Variants in EPHA4 observed in about 807,000 individuals in gnomAD.
EPHA4 encodes ephrin type-A receptor 4.
In EPHA4, 19 loss-of-function variants were observed where a neutral mutation model predicts 108.3. That is an observed-to-expected ratio of 0.18 (90% CI 0.12 to 0.26). EPHA4 has a LOEUF of 0.26. Among genes scored for constraint, EPHA4 ranks in the 10% least tolerant of loss-of-function variants. EPHA4 has a pLI of 1.00. For synonymous variants in EPHA4, 449 were observed against 455.5 expected, an observed-to-expected ratio of 0.99 and a Z score of 0.18; for missense variants, 917 against 1,254.0, an observed-to-expected ratio of 0.73 and a Z score of 4.06.
At chr2:221,551,697 A>G (rs1198349452) in intron 3 of EPHA4, among the ~76,000 whole-genome samples, 1 of 152,184 alleles carries the variant, frequency 6.6e-6, no homozygotes, top group East Asian at 1.9e-4. Context: ...TTAGTTAAGT[A>G]CACTAGCCAT....
At chr2:221,567,670 G>A (rs1029045295) in intron 2 of EPHA4, among the ~76,000 whole-genome samples, 2 of 152,128 alleles carry the variant, frequency 1.3e-5, no homozygotes, top group African/African-American at 4.8e-5. Flanking sequence ...TTATTTTCTT[G>A]CTTAGTCTTA....
chr2:221,474,378 T>C (rs1176916717), intron 5 of EPHA4, among the ~76,000 whole-genome samples: 1 of 149,118 alleles, frequency 6.7e-6, no homozygotes, highest in Non-Finnish European at 1.5e-5. Context: ...ATTCTGGAAA[T>C]GAAATTCTTC....
intron 8 of EPHA4, among the ~76,000 whole-genome samples, chr2:221,454,211 T>C (rs750977267): frequency 6.6e-6 from 1 of 151,656 alleles, no homozygotes; most frequent in Non-Finnish European, 1.5e-5. Context: ...AATAAATACA[T>C]GTACCAACTG....
In EPHA4 at chr2:221,426,464, T is replaced by C; in HGVS notation, c.2846A>G (p.Glu949Gly). The C allele has an allele frequency of 1.2e-6, 2 of 1,600,674 alleles. No homozygotes were observed. Among genetic ancestry groups the C allele is most frequent in the Non-Finnish European group, 1.7e-6 (2 of 1,176,692 alleles). The change falls in exon 16 of 18, where the codon GAG becomes GGG. Residue 949 changes from glutamate (E) to glycine (G), a missense_variant and splice_region_variant. By Grantham distance (98) the Glu-to-Gly change is moderately conservative. Around this residue, in one of 3 missense-constraint regions of EPHA4, gnomAD observed 133 missense variants for 132.8 expected, o/e 1.00. Transcript: ENST00000281821. ...TCGTGTTACATCGTTGAGTACTTACTCCTGGTTCACGTGCACCACAGCCTC... is the reference window on the plus strand; with the variant it reads ...TCGTGTTACATCGTTGAGTACTTACCCCTGGTTCACGTGCACCACAGCCTC... The part of the protein sequence containing the change: ...TLEAVVHVNQ[E>G]DLARIGITAI...
At chr2:221,479,133 C>T (rs1691745893) in intron 5 of EPHA4, among the ~76,000 whole-genome samples, 1 of 152,196 alleles carries the variant, frequency 6.6e-6, no homozygotes, top group Non-Finnish European at 1.5e-5. Flanking sequence ...ATAATCTGGT[C>T]TCATAAATGG....
chr2:221,513,719 T>C (rs1302346917), intron 3 of EPHA4, among the ~76,000 whole-genome samples: 2 of 152,240 alleles, frequency 1.3e-5, no homozygotes, highest in Admixed American at 1.3e-4. Context: ...GTGTTTTATA[T>C]TTAACAGATA....
intron 3 of EPHA4, among the ~76,000 whole-genome samples, chr2:221,506,388 AG>A (rs1692630407): frequency 6.6e-6 from 1 of 152,252 alleles, no homozygotes; most frequent in Admixed American, 6.5e-5. Flanking sequence ...AATATGTGCA[AG>A]CCCCAGCCAT....
chr2:221,505,249 G>A (rs941350260), intron 3 of EPHA4, among the ~76,000 whole-genome samples: 52 of 152,052 alleles, frequency 3.4e-4, no homozygotes, highest in African/African-American at 1.3e-3. Context: ...TTTGTATATG[G>A]ATTACATGTT....
intron 4 of EPHA4, among the ~76,000 whole-genome samples, chr2:221,495,989 A>T (rs577255331): frequency 6.6e-6 from 1 of 152,332 alleles, no homozygotes; most frequent in South Asian, 2.1e-4. Flanking sequence ...GGCTGTCAGC[A>T]CAAGGGAATT....
chr2:221,431,048 C>CT (rs1306089493), intron 14 of EPHA4, among the ~76,000 whole-genome samples: 1 of 152,190 alleles, frequency 6.6e-6, no homozygotes, highest in Non-Finnish European at 1.5e-5. Context: ...AGCCTTTTCT[C>CT]TAACATCCTC....
intron 5 of EPHA4, among the ~76,000 whole-genome samples, chr2:221,475,650 T>C (rs371826381): frequency 1.3e-5 from 2 of 152,208 alleles, no homozygotes; most frequent in East Asian, 3.8e-4. Flanking sequence ...AACTATGCCA[T>C]TGTCACGTGA....
intron 11 of EPHA4, among the ~76,000 whole-genome samples, chr2:221,439,893 C>T (rs1039601452): frequency 6.6e-6 from 1 of 152,188 alleles, no homozygotes; most frequent in African/African-American, 2.4e-5. Flanking sequence ...ACTCAAGTAA[C>T]TGCTGGTAAT....
rs191115411 is a variant in EPHA4 at position 221,497,142 on chromosome 2, A to G, written c.979+3875T>C. ...TGGAGGCAGTTTGGGGAAGGAAGTG[A>G]CCAGCTGGAAATAAAAGAGGAAGAG... On this transcript the variant is annotated intron_variant, in intron 4 of 17. Coordinates refer to ENST00000281821, the MANE Select transcript of EPHA4 (RefSeq NM_004438.5). Among the ~76,000 whole-genome samples, 6 of 152,276 alleles carry G rather than the reference A, an allele frequency of 3.9e-5. No individual in the cohort carries two copies. The East Asian group carries it at 9.7e-4, about 25-fold the overall frequency.
chr2:221,474,832 T>A (rs577014885), intron 5 of EPHA4, among the ~76,000 whole-genome samples: 2 of 152,156 alleles, frequency 1.3e-5, no homozygotes, highest in African/African-American at 2.4e-5. Context: ...AAGCATGACA[T>A]CATCTCGGAG....
rs1395716286 is a variant in EPHA4, at chr2:221,418,755, C to T, written c.*2617G>A. 6.6e-6 allele frequency: 1 copy of T among 152,428 alleles called. No individual in the cohort carries two copies. The highest frequency in any genetic ancestry group is 1.5e-5 in the Non-Finnish European group (1 of 68,060). 9.4% of individuals were successfully genotyped at this position (152,428 alleles called of 1,614,324 possible). On this transcript the variant is annotated 3_prime_UTR_variant, in exon 18 of 18. Transcript: ENST00000281821. ...ATCGGCACATGAGTTAGCATTGGAGCTCACTCGGCCAGGGCTTGCCCACGG... is the reference window on the plus strand; with the variant it reads ...ATCGGCACATGAGTTAGCATTGGAGTTCACTCGGCCAGGGCTTGCCCACGG...
At chr2:221,558,364 CTA>C (rs1694361655) in intron 3 of EPHA4, among the ~76,000 whole-genome samples, 7 of 151,758 alleles carry the variant, frequency 4.6e-5, no homozygotes, top group Admixed American at 4.6e-4. Context: ...TTATGTAATT[CTA>C]TATGAGAAAT....
rs1028299354 is a variant in EPHA4, at chr2:221,571,157, GGCACACACACGCAGACAT to G, written c.91+983_91+1000del. 6.3e-4 allele frequency among the ~76,000 whole-genome samples: 96 copies of G among 151,450 alleles called. 1 individual carries two copies. The South Asian group carries it at 6.7e-3, about 11-fold the overall frequency. ...AGTTGCACGCGCGCGCACACACACA[GGCACACACACGCAGACAT>G]GCACACACACGCAGACATGCACACA... On this transcript the variant is annotated intron_variant, in intron 1 of 17. Transcript: ENST00000281821. The surrounding 1 kb of genome is among the most constrained non-coding windows in gnomAD (Gnocchi z 6.3).
At chr2:221,491,289 T>A (rs534287630) in intron 4 of EPHA4, among the ~76,000 whole-genome samples, 1 of 152,350 alleles carries the variant, frequency 6.6e-6, no homozygotes, top group African/African-American at 2.4e-5. Flanking sequence ...TTTAAAATTA[T>A]CTAGCCTGTG....
chr2:221,502,842 C>G (rs1207316004), intron 3 of EPHA4, among the ~76,000 whole-genome samples: 1 of 152,184 alleles, frequency 6.6e-6, no homozygotes, highest in Non-Finnish European at 1.5e-5. Context: ...GCTGGGAGAT[C>G]AATCTCTCCC....
Sources: gnomAD v4.1 joint callset for allele counts (sites outside exome capture counted in the v4.1 genomes callset) on GRCh38, gnomAD v4.1.1 for gene constraint, gnomAD v4.1.1 regional missense constraint, Gnocchi (gnomAD v3.1) non-coding constraint, MANE v1.5 for transcripts, NCBI Gene and HGNC (gene_info 2026-07-23, HGNC 2026-07-21) for gene names.